Variants in SFXN5 observed in about 807,000 individuals in gnomAD.
SFXN5 encodes the protein sideroflexin 5.
Under a neutral mutation model 50.2 loss-of-function variants are expected in SFXN5, and 43 were observed. The observed-to-expected ratio is 0.86, with a 90% CI of 0.67 to 1.11. The LOEUF (loss-of-function observed/expected upper bound fraction) is 1.11, where lower values mean the gene tolerates loss of function less well. Among genes scored for constraint, SFXN5 ranks in the 50% least tolerant of loss-of-function variants. SFXN5 has a pLI of 0.00. For synonymous variants in SFXN5, 203 were observed against 185.8 expected (o/e 1.09, Z -0.75); for missense variants, 463 against 454.1 (o/e 1.02, Z -0.18).
intron 4 of SFXN5, among the ~76,000 whole-genome samples, chr2:73,022,865 G>A (rs1312387179): frequency 6.6e-6 from 1 of 152,194 alleles, no homozygotes; most frequent in Non-Finnish European, 1.5e-5. Context: ...AAAGTCCATG[G>A]GGAACGGGAT....
intron 3 of SFXN5, among the ~76,000 whole-genome samples, chr2:73,035,624 T>C (rs1481866804): frequency 6.6e-6 from 1 of 151,492 alleles, no homozygotes; most frequent in East Asian, 1.9e-4. Context: ...CTCAGCCTCC[T>C]GAGTAGCTGG....
rs373206510 is a variant in SFXN5 at position 73,058,547 on chromosome 2, C to T, written c.152G>A (p.Arg51His). ...ACTTACCTCAGTGACAAAGAGTGTG[C>T]GAGGGTCGATGATATCCAAGAAGTG... ...FRHFLDIIDPRTLFVTERRLR... is the reference protein window; with the variant it reads ...FRHFLDIIDPHTLFVTERRLR... The change falls in exon 2 of 14, where the codon CGC (arginine) becomes CAC (histidine). Residue 51 changes from arginine (R) to histidine (H), a missense_variant. Coordinates refer to ENST00000272433, the MANE Select transcript of SFXN5 (RefSeq NM_144579.3). 2.5e-5 allele frequency: 40 copies of T among 1,613,880 alleles called. No homozygotes were observed. The highest frequency in any genetic ancestry group is 2.1e-4 in the African/African-American group (16 of 74,888).
chr2:73,034,053 G>A (rs1678652080), intron 3 of SFXN5, among the ~76,000 whole-genome samples: 1 of 152,200 alleles, frequency 6.6e-6, no homozygotes, highest in Non-Finnish European at 1.5e-5. Flanking sequence ...AGGTCACTCT[G>A]TGTGCTGTAT....
rs187185772 is a variant in SFXN5 at position 72,988,921 on chromosome 2, A to C, written c.535-573T>G. Reference sequence around the variant, plus strand: ...AGGCGGATGTCCTGGACTCACTGTCATCGCCTTCATACCTGTCACCTGGCC... The same window carrying C: ...AGGCGGATGTCCTGGACTCACTGTCCTCGCCTTCATACCTGTCACCTGGCC... On this transcript the variant is annotated intron_variant, in intron 9 of 13. Coordinates refer to ENST00000272433, the MANE Select transcript of SFXN5 (RefSeq NM_144579.3). Among the ~76,000 whole-genome samples, 13 of 152,078 alleles carry C rather than the reference A, an allele frequency of 8.5e-5. No homozygotes were observed. In the East Asian group the frequency reaches 2.3e-3, roughly 27 times the overall value.
chr2:73,059,256 C>A, intron 1 of SFXN5: 1 of 985,658 alleles, frequency 1.0e-6, no homozygotes, highest in Non-Finnish European at 1.2e-6. Context: ...CCAAGCAACC[C>A]GGCTGCTGGG....
Position 73,047,243 on chromosome 2 carries a change from A to ATATATATATACAC in SFXN5, c.172-6313_172-6312insGTGTATATATATA, listed in dbSNP as rs1204609041. Among the ~76,000 whole-genome samples the ATATATATATACAC allele has an allele frequency of 2.0e-4, 5 of 24,932 alleles. 1 individual carries two copies. Among genetic ancestry groups the ATATATATATACAC allele is most frequent in the Non-Finnish European group, 2.8e-4 (4 of 14,406 alleles). 16.4% of individuals were successfully genotyped at this position (24,932 alleles called of 152,430 possible). A position where few individuals can be genotyped will look rare whatever the true frequency, so the allele number is the denominator to read the frequency against. On this transcript the variant is annotated intron_variant, in intron 2 of 13. Transcript: ENST00000272433. Reference sequence around the variant, plus strand: ...GTAAAAAAAAAAAAAAAAAAAAAAAAAAATATATATATATATATATATATA... The same window carrying ATATATATATACAC: ...GTAAAAAAAAAAAAAAAAAAAAAAAATATATATATACACAAATATATATATATATATATATATA...
chr2:73,050,438 C>G (rs939336807), intron 2 of SFXN5, among the ~76,000 whole-genome samples: 1 of 126,948 alleles, frequency 7.9e-6, no homozygotes, highest in Non-Finnish European at 1.6e-5. Context: ...AGAGTTAGCA[C>G]CACATGGATG....
intron 3 of SFXN5, among the ~76,000 whole-genome samples, chr2:73,029,410 G>A (rs978453169): frequency 2.0e-5 from 3 of 151,990 alleles, no homozygotes; most frequent in Admixed American, 6.5e-5. Flanking sequence ...AAAATAGAGG[G>A]AAGCAATTCA....
chr2:73,048,029 T>A (rs1680740567), intron 2 of SFXN5, among the ~76,000 whole-genome samples: 1 of 152,206 alleles, frequency 6.6e-6, no homozygotes, highest in Admixed American at 6.5e-5. Flanking sequence ...TTTCATGACA[T>A]GAAAAACTGC....
chr2:72,984,030 A>G (rs900255576), intron 10 of SFXN5, among the ~76,000 whole-genome samples: 1 of 152,246 alleles, frequency 6.6e-6, no homozygotes, highest in African/African-American at 2.4e-5. Flanking sequence ...TCCGAGCTTG[A>G]GCTCCTGAAC....
chr2:73,023,348 C>T, intron 3 of SFXN5, 134 bp from the exon 4 acceptor site: 1 of 825,678 alleles, frequency 1.2e-6, no homozygotes, highest in Non-Finnish European at 1.9e-6. Flanking sequence ...GCTATCCTTG[C>T]CAGCCCAGGC....
intron 3 of SFXN5, among the ~76,000 whole-genome samples, chr2:73,026,586 A>C (rs921831611): frequency 5.3e-5 from 8 of 152,154 alleles, no homozygotes; most frequent in African/African-American, 1.7e-4. Flanking sequence ...TGCATTACTC[A>C]CATTTGTGGT....
rs150535758 is a variant in SFXN5 at position 73,023,968 on chromosome 2, C to T, written c.250-754G>A. 8.5e-5 allele frequency among the ~76,000 whole-genome samples: 13 copies of T among 152,250 alleles called. 1 individual carries two copies. The highest frequency in any genetic ancestry group is 3.4e-3 in the Middle Eastern group (1 of 294). ...CTGTATTGCATTGAATCTAAGACAC[C>T]ACTGATCCTAAGATATACTATCATG... On this transcript the variant is annotated intron_variant, in intron 3 of 13. Transcript: ENST00000272433.
chr2:73,023,770 A>G (rs1366077443), intron 3 of SFXN5, among the ~76,000 whole-genome samples: 1 of 152,212 alleles, frequency 6.6e-6, no homozygotes, highest in Non-Finnish European at 1.5e-5. Flanking sequence ...ATGTCAGCAC[A>G]ATAGCATGTG....
intron 6 of SFXN5, among the ~76,000 whole-genome samples, chr2:73,013,406 C>CGTGTGTGTGTGTGTGTGTGT (rs61590375): frequency 4.3e-5 from 6 of 139,714 alleles, no homozygotes; most frequent in African/African-American, 1.6e-4. Context: ...AGGGATATTT[C>CGTGTGTGTGTGTGTGTGTGT]GTGTGTGTGT....
At chr2:73,020,217 A>G in intron 6 of SFXN5, 22 bp downstream of exon 6, 1 of 1,610,676 alleles carries the variant, frequency 6.2e-7, no homozygotes, top group Non-Finnish European at 8.5e-7. Context: ...AGAAAAGGAA[A>G]TCCTTTGAAG....
At chr2:72,971,516 C>T (rs1675168390) in intron 11 of SFXN5, 54 bp downstream of exon 11, 1 of 1,354,754 alleles carries the variant, frequency 7.4e-7, no homozygotes, top group South Asian at 1.2e-5. Flanking sequence ...TAAAGGAAAA[C>T]CACTCCCCTC....
At position 72,961,996 on chromosome 2, in the gene SFXN5, G is replaced by A. The variant is rs368930387; in HGVS notation, c.828-748C>T. Among the ~76,000 whole-genome samples, 504 of 152,326 alleles carry A rather than the reference G, an allele frequency of 3.3e-3. 4 individuals are homozygous for A. Among genetic ancestry groups the A allele is most frequent in the African/African-American group, 0.012 (488 of 41,570 alleles). On this transcript the variant is annotated intron_variant, in intron 12 of 13. Coordinates refer to ENST00000272433, the MANE Select transcript of SFXN5 (RefSeq NM_144579.3). This position sits in a 1 kb window ranked among gnomAD's most constrained non-coding sequence, Gnocchi z 4.4. ...GCTTCGGAGCTGGTTTCCTGGGCAG[G>A]GGAGGGGGCATGATAAACCTCCCTT...
At chr2:73,050,388 G>GCACACACACACACACACACA (rs770773072) in intron 2 of SFXN5, among the ~76,000 whole-genome samples, 1 of 143,808 alleles carries the variant, frequency 7.0e-6, no homozygotes, top group African/African-American at 2.8e-5. Flanking sequence ...CAGCCACAGC[G>GCACACACACACACACACACA]CACGCACACA....
Sources: allele counts gnomAD v4.1 joint callset (sites outside exome capture counted in the v4.1 genomes callset), GRCh38; gene constraint gnomAD v4.1.1; non-coding constraint Gnocchi (gnomAD v3.1); transcripts MANE v1.5; gene names NCBI Gene and HGNC (gene_info 2026-07-23, HGNC 2026-07-21).